MKNK1: variants seen among roughly 807,000 people sequenced by gnomAD.
The protein encoded by MKNK1 is MAP kinase-interacting serine/threonine-protein kinase 1.
In MKNK1, 30 loss-of-function variants were observed where a neutral mutation model predicts 49.3. The ratio of observed to expected loss-of-function variants is 0.61; its 90% CI spans 0.46 to 0.83. The LOEUF is 0.83. Ranked by LOEUF, MKNK1 falls within the 40% of genes least tolerant of loss-of-function variation. The probability of loss-of-function intolerance (pLI) is 0.00; values close to 1 mark genes in which losing one functional copy is unlikely to be tolerated. For synonymous variants in MKNK1, 176 were observed against 201.7 expected, an observed-to-expected ratio of 0.87 and a Z score of 1.08; for missense variants, 423 against 524.7, an observed-to-expected ratio of 0.81 and a Z score of 1.89.
intron 10 of MKNK1, 103 bp from the exon 11 acceptor site, chr1:46,561,745 G>T: frequency 7.7e-7 from 1 of 1,306,860 alleles, no homozygotes; most frequent in Non-Finnish European, 1.1e-6. Flanking sequence ...AGCTGTAGCT[G>T]CAGCTCATGG....
chr1:46,581,935 C>A (rs1478911742), intron 3 of MKNK1, among the ~76,000 whole-genome samples: 1 of 152,138 alleles, frequency 6.6e-6, no homozygotes, highest in Non-Finnish European at 1.5e-5. Flanking sequence ...CTGACCTCAT[C>A]CCCACTCGGC....
chr1:46,604,205 G>C lies in MKNK1; in HGVS notation c.-191C>G. 1 of 152,312 alleles carries C rather than the reference G, an allele frequency of 6.6e-6. No individual in the cohort carries two copies. The highest frequency in any genetic ancestry group is 1.5e-5 in the Non-Finnish European group (1 of 68,094). 9.4% of individuals were successfully genotyped at this position (152,312 alleles called of 1,614,324 possible). ...TTTACCTTCGCTGGCTCCCGCCGGG[G>C]AGCGGTCGCGCGCACCCCTACCTGC... On this transcript the variant is annotated 5_prime_UTR_variant, in exon 1 of 13. Transcript: ENST00000371945.
chr1:46,573,740 T>TC, intron 6 of MKNK1: 1 of 152,214 alleles, frequency 6.6e-6, no homozygotes, highest in East Asian at 1.9e-4. Context: ...ATACTTTTTT[T>TC]TTTTTTTTTT....
intron 2 of MKNK1, chr1:46,584,916 C>G (rs998644976): frequency 6.6e-6 from 1 of 152,098 alleles, no homozygotes; most frequent in Non-Finnish European, 1.5e-5. Context: ...GCTTCAAACA[C>G]AAGATATATC....
At chr1:46,590,860 T>C (rs1478880300) in intron 2 of MKNK1, among the ~76,000 whole-genome samples, 2 of 152,254 alleles carry the variant, frequency 1.3e-5, no homozygotes, top group Non-Finnish European at 2.9e-5. Context: ...CTGCCCTAGC[T>C]TCTGGAAATA....
At chr1:46,585,899 T>C in intron 2 of MKNK1, 1 of 1,362,578 alleles carries the variant, frequency 7.3e-7, no homozygotes, top group Non-Finnish European at 9.8e-7. Flanking sequence ...TGGATTTCAA[T>C]GAAAGAGGGT....
At position 46,561,654 on chromosome 1, in the gene MKNK1, A is replaced by C. The variant is rs1667998882; in HGVS notation, c.805-12T>G. The C allele has an allele frequency of 2.5e-6, 4 of 1,613,242 alleles. No homozygotes were observed. The East Asian group carries it at 8.9e-5, about 36-fold the overall frequency. ...TCAAACAGCTTGTTCTAGGTACAAA[A>C]GATTCCTCCTGAGGCCACACTGCCA... On this transcript the variant is annotated splice_polypyrimidine_tract_variant and intron_variant, in intron 10 of 12. Coordinates refer to ENST00000371945, the MANE Select transcript of MKNK1 (RefSeq NM_001135553.4).
chr1:46,599,977 C>T (rs1260443599), intron 1 of MKNK1, among the ~76,000 whole-genome samples: 1 of 152,098 alleles, frequency 6.6e-6, no homozygotes, highest in East Asian at 1.9e-4. Flanking sequence ...TCCTCACCAA[C>T]TCCTCTCCCC....
intron 1 of MKNK1, among the ~76,000 whole-genome samples, chr1:46,599,547 G>A (rs1396466535): frequency 6.6e-6 from 1 of 152,188 alleles, no homozygotes; most frequent in African/African-American, 2.4e-5. Context: ...TTCCAAACTA[G>A]GCCAGTGATT....
At chr1:46,562,112 A>G (rs773684783) in intron 10 of MKNK1, among the ~76,000 whole-genome samples, 5 of 152,078 alleles carry the variant, frequency 3.3e-5, no homozygotes, top group Non-Finnish European at 4.4e-5. Flanking sequence ...GAGTCAGTTC[A>G]GGGCTGGGCG....
At chr1:46,594,056 G>C (rs1673724339) in intron 2 of MKNK1, 57 bp downstream of exon 2, 1 of 1,363,642 alleles carries the variant, frequency 7.3e-7, no homozygotes, top group Admixed American at 1.7e-5. Context: ...GGATGTATCA[G>C]ATCATTTCAA....
At chr1:46,586,796 C>T (rs1248000053) in intron 2 of MKNK1, among the ~76,000 whole-genome samples, 1 of 152,090 alleles carries the variant, frequency 6.6e-6, no homozygotes, top group Non-Finnish European at 1.5e-5. Context: ...GGACACAAAA[C>T]GTCCTTCACT....
At chr1:46,561,391 G>A in intron 11 of MKNK1, 87 bp downstream of exon 11, 1 of 1,446,060 alleles carries the variant, frequency 6.9e-7, no homozygotes, top group Non-Finnish European at 9.3e-7. Flanking sequence ...CAAGGCTGGT[G>A]CTCAGCACTT....
rs559984968 is a variant in MKNK1, at chr1:46,576,612, G to A, written c.241C>T (p.Arg81Ter). 5 of 1,614,024 alleles carry A rather than the reference G, an allele frequency of 3.1e-6. No homozygotes were observed. Among genetic ancestry groups the A allele is most frequent in the Admixed American group, 3.3e-5 (2 of 60,016 alleles). Residue 81 changes from arginine (R) to a stop codon, truncating the protein, a stop_gained, in exon 5 of 13, where the codon CGA becomes TGA. Transcript: ENST00000371945. LOFTEE classifies it high-confidence loss of function. ...CACTGATACAGCGTCTCCACCTCTC[G>A]AAACACCCTACTCCGACTGTGCCCT... is the stretch of plus-strand genomic sequence containing the variant. ...QAGHSRSRVF[R>*]EVETLYQCQG... is the part of the protein sequence containing the mutation.
intron 2 of MKNK1, among the ~76,000 whole-genome samples, chr1:46,583,783 C>T (rs1014271395): frequency 2.0e-5 from 3 of 152,170 alleles, no homozygotes; most frequent in African/African-American, 7.2e-5. Context: ...GGCTCAGCAA[C>T]ATCGCTATGG....
At chr1:46,565,333 T>C in intron 8 of MKNK1, 197 bp from the exon 9 acceptor site, 1 of 590,556 alleles carries the variant, frequency 1.7e-6, no homozygotes, top group Non-Finnish European at 3.0e-6. Flanking sequence ...TGAGCTCTCT[T>C]ATTTCCCATC....
intron 1 of MKNK1, among the ~76,000 whole-genome samples, chr1:46,603,778 A>G (rs1570366629): frequency 6.6e-6 from 1 of 152,224 alleles, no homozygotes; most frequent in Non-Finnish European, 1.5e-5. Flanking sequence ...CACAGGCAGG[A>G]GCCTTTAAAT....
chr1:46,588,174 G>T (rs924242194), intron 2 of MKNK1, among the ~76,000 whole-genome samples: 1 of 152,224 alleles, frequency 6.6e-6, no homozygotes, highest in Non-Finnish European at 1.5e-5. Context: ...TTCAAGTCCA[G>T]ACCATTTCTA....
rs1199175371 is a variant in MKNK1 at position 46,589,619 on chromosome 1, G to A, written c.-3+4494C>T. Among the ~76,000 whole-genome samples, 1 of 152,202 alleles carries A rather than the reference G, an allele frequency of 6.6e-6. No homozygotes were observed. Among genetic ancestry groups the A allele is most frequent in the East Asian group, 1.9e-4 (1 of 5,198 alleles). ...ATGGTACTGAAGGTATAGTAAGTGTGAAGGATACAGATCCAGGAATCATCC... is the reference window on the plus strand; with the variant it reads ...ATGGTACTGAAGGTATAGTAAGTGTAAAGGATACAGATCCAGGAATCATCC... On this transcript the variant is annotated intron_variant, in intron 2 of 12. Transcript: ENST00000371945. The surrounding 1 kb of genome is among the most constrained non-coding windows in gnomAD (Gnocchi z 4.3).
Sources: gnomAD v4.1 joint callset for allele counts (sites outside exome capture counted in the v4.1 genomes callset) on GRCh38, gnomAD v4.1.1 for gene constraint, Gnocchi (gnomAD v3.1) non-coding constraint, MANE v1.5 for transcripts, NCBI Gene and HGNC (gene_info 2026-07-23, HGNC 2026-07-21) for gene names.